The following MYO3B variants were observed in gnomAD, a reference collection of about 807,000 sequenced individuals.
The protein encoded by MYO3B is myosin IIIB, also known as myosin-IIIb.
Under a neutral mutation model 174.6 loss-of-function variants are expected in MYO3B, and 156 were observed. The observed-to-expected ratio is 0.89, with a 90% CI of 0.78 to 1.02. The LOEUF (loss-of-function observed/expected upper bound fraction) is 1.02. MYO3B is among the 50% of genes least tolerant of loss of function. The probability of loss-of-function intolerance (pLI) is 0.00; values close to 1 mark genes in which losing one functional copy is unlikely to be tolerated. For synonymous variants in MYO3B, 563 were observed against 569.1 expected, an observed-to-expected ratio of 0.99 and a Z score of 0.15; for missense variants, 1,632 against 1,639.4, an observed-to-expected ratio of 1.00 and a Z score of 0.08.
At chr2:170,619,276 G>A (rs1695686492) in intron 32 of MYO3B, among the ~76,000 whole-genome samples, 1 of 152,106 alleles carries the variant, frequency 6.6e-6, no homozygotes, top group Non-Finnish European at 1.5e-5. Flanking sequence ...CTCCCTGACT[G>A]CACGTCCATT....
At chr2:170,603,024 C>T (rs1303552177) in intron 32 of MYO3B, among the ~76,000 whole-genome samples, 2 of 152,058 alleles carry the variant, frequency 1.3e-5, no homozygotes, top group Admixed American at 6.6e-5. Flanking sequence ...GCCAAGATCG[C>T]ACCATTGCAC....
intron 32 of MYO3B, chr2:170,601,564 G>C: frequency 1.0e-6 from 1 of 986,118 alleles, no homozygotes; most frequent in Non-Finnish European, 1.6e-6. Flanking sequence ...TGTACAGGGG[G>C]GTTAAATGCT....
At chr2:170,416,846 C>T (rs1358572451) in intron 22 of MYO3B, among the ~76,000 whole-genome samples, 6 of 115,398 alleles carry the variant, frequency 5.2e-5, no homozygotes, top group Non-Finnish European at 1.1e-4. Context: ...TTTTTTGAGA[C>T]GGAGTCTCGC....
chr2:170,569,602 C>T (rs1692302062), intron 32 of MYO3B, among the ~76,000 whole-genome samples: 1 of 151,136 alleles, frequency 6.6e-6, no homozygotes, highest in African/African-American at 2.4e-5. Context: ...TGGCTCACAC[C>T]TGTAATCCCA....
intron 22 of MYO3B, among the ~76,000 whole-genome samples, chr2:170,410,584 A>G (rs2094539494): frequency 6.4e-5 from 4 of 62,510 alleles, no homozygotes; most frequent in Admixed American, 2.2e-4. Flanking sequence ...CGTCTCAACA[A>G]AAAAAAAGAA....
At chr2:170,509,895 C>T (rs958746972) in intron 28 of MYO3B, among the ~76,000 whole-genome samples, 5 of 152,288 alleles carry the variant, frequency 3.3e-5, no homozygotes, top group East Asian at 1.9e-4. Context: ...CCCACAGTGA[C>T]GGGTGATGGG....
At chr2:170,250,733 G>A (rs2093242848) in intron 7 of MYO3B, among the ~76,000 whole-genome samples, 1 of 152,172 alleles carries the variant, frequency 6.6e-6, no homozygotes, top group African/African-American at 2.4e-5. Context: ...AATGTTGAAT[G>A]TGGGGTTTTA....
intron 22 of MYO3B, among the ~76,000 whole-genome samples, chr2:170,436,172 G>C (rs1297296266): frequency 6.6e-6 from 1 of 152,178 alleles, no homozygotes; most frequent in Non-Finnish European, 1.5e-5. Context: ...TTCCAACACA[G>C]GACACATGTT....
chr2:170,338,664 A>G (rs764397232), intron 8 of MYO3B, among the ~76,000 whole-genome samples: 14 of 152,100 alleles, frequency 9.2e-5, no homozygotes, highest in Admixed American at 4.6e-4. Context: ...GTACAGTGGC[A>G]TGATCTTGGC....
intron 7 of MYO3B, among the ~76,000 whole-genome samples, chr2:170,313,516 C>G (rs911667519): frequency 6.6e-6 from 1 of 152,204 alleles, no homozygotes; most frequent in Admixed American, 6.5e-5. Flanking sequence ...GCTCTCTGAT[C>G]CAGTGATAGC....
rs369971547 is a variant in MYO3B at position 170,270,108 on chromosome 2, G to A, written c.749+33972G>A. On this transcript the variant is annotated intron_variant, in intron 7 of 34. Coordinates refer to ENST00000408978, the MANE Select transcript of MYO3B (RefSeq NM_138995.5). ...AATGGTCATAAACTCATGGAAGAAGGCTCCAAGGATATACATCAAATGGTT... is the reference window on the plus strand; with the variant it reads ...AATGGTCATAAACTCATGGAAGAAGACTCCAAGGATATACATCAAATGGTT... Among the ~76,000 whole-genome samples the A allele has an allele frequency of 1.2e-4, 18 of 152,234 alleles. No homozygotes were observed. The East Asian group carries it at 2.9e-3, about 24-fold the overall frequency.
intron 32 of MYO3B, among the ~76,000 whole-genome samples, chr2:170,607,844 A>G (rs997944744): frequency 6.6e-6 from 1 of 152,226 alleles, no homozygotes; most frequent in Non-Finnish European, 1.5e-5. Context: ...TCTTTTATTT[A>G]GTAGACGCTC....
intron 23 of MYO3B, among the ~76,000 whole-genome samples, chr2:170,458,420 G>C (rs1049289210): frequency 5.9e-5 from 9 of 152,322 alleles, no homozygotes; most frequent in African/African-American, 2.2e-4. Context: ...ACTCAGCCTA[G>C]AAAAGCTTTT....
At chr2:170,425,426 T>A (rs996781323) in intron 22 of MYO3B, among the ~76,000 whole-genome samples, 10 of 152,240 alleles carry the variant, frequency 6.6e-5, no homozygotes, top group African/African-American at 1.9e-4. Flanking sequence ...AAATTAAATG[T>A]TGCTTAACTG....
At chr2:170,569,785 C>A (rs1692317029) in intron 32 of MYO3B, among the ~76,000 whole-genome samples, 1 of 151,186 alleles carries the variant, frequency 6.6e-6, no homozygotes, top group African/African-American at 2.4e-5. Context: ...TCACTTGAAC[C>A]CTGGGGCGGA....
intron 16 of MYO3B, among the ~76,000 whole-genome samples, chr2:170,397,295 T>G (rs1011607439): frequency 6.6e-6 from 1 of 152,216 alleles, no homozygotes; most frequent in Non-Finnish European, 1.5e-5. Context: ...TTTTTTTGGC[T>G]TTACTGAGTA....
At chr2:170,430,521 G>A (rs1356310310) in intron 22 of MYO3B, among the ~76,000 whole-genome samples, 1 of 152,018 alleles carries the variant, frequency 6.6e-6, no homozygotes, top group Non-Finnish European at 1.5e-5. Flanking sequence ...ACAGGTGCGT[G>A]CCACCATGCC....
intron 32 of MYO3B, among the ~76,000 whole-genome samples, chr2:170,600,227 G>A (rs1694426984): frequency 6.6e-6 from 1 of 151,644 alleles, no homozygotes; most frequent in Non-Finnish European, 1.5e-5. Flanking sequence ...AAATCCAAAT[G>A]GAAATAATCC....
intron 4 of MYO3B, 46 bp downstream of exon 4, chr2:170,214,529 T>A: frequency 6.4e-7 from 1 of 1,570,916 alleles, no homozygotes; most frequent in Middle Eastern, 1.7e-4. Context: ...TGGGATGGTT[T>A]GTTCATTGCT....
Sources: gnomAD v4.1 joint callset for allele counts (sites outside exome capture counted in the v4.1 genomes callset) on GRCh38, gnomAD v4.1.1 for gene constraint, MANE v1.5 for transcripts, NCBI Gene and HGNC (gene_info 2026-07-23, HGNC 2026-07-21) for gene names.